Variants in TPCN2 observed in about 807,000 individuals in gnomAD.
The protein encoded by TPCN2 is two pore segment channel 2, also known as two pore channel protein 2.
In TPCN2, 92 loss-of-function variants were observed where a neutral mutation model predicts 111.4. The ratio of observed to expected loss-of-function variants is 0.83; its 90% CI spans 0.70 to 0.98. TPCN2 has a LOEUF of 0.98. TPCN2 is among the 50% of genes least tolerant of loss of function. The probability of loss-of-function intolerance (pLI) is 0.00; values close to 1 mark genes in which losing one functional copy is unlikely to be tolerated. For missense variants in TPCN2, 995 were observed against 980.1 expected (o/e 1.02, Z -0.20); for synonymous variants, 405 against 414.5 (o/e 0.98, Z 0.28).
intron 8 of TPCN2, among the ~76,000 whole-genome samples, chr11:69,069,900 G>A (rs11228478): frequency 0.035 from 5,288 of 150,036 alleles, 459 homozygotes; most frequent in African/African-American, 0.13. Context: ...TTGATAGGTA[G>A]GGAGTTCCCC....
chr11:69,065,862 G>A (rs1423209744), intron 7 of TPCN2, among the ~76,000 whole-genome samples: 1 of 152,150 alleles, frequency 6.6e-6, no homozygotes, highest in African/African-American at 2.4e-5. Context: ...GTCCATCGTC[G>A]CTGGTTGTGG....
chr11:69,050,680 G>A lies in TPCN2; in HGVS notation c.109+1574G>A, dbSNP rs114151077. On this transcript the variant is annotated intron_variant, in intron 1 of 24. Coordinates refer to ENST00000294309, the MANE Select transcript of TPCN2 (RefSeq NM_139075.4). ...GGCGTGAGCCACTGTGCCTGGCCATGCTTCACCTTTCCGAATCTCAGTAAA... is the reference window on the plus strand; with the variant it reads ...GGCGTGAGCCACTGTGCCTGGCCATACTTCACCTTTCCGAATCTCAGTAAA... Among the ~76,000 whole-genome samples the A allele has an allele frequency of 9.7e-3, 1,471 of 152,332 alleles. 22 individuals are homozygous for A. Among genetic ancestry groups the A allele is most frequent in the African/African-American group, 0.034 (1,415 of 41,576 alleles).
Position 69,089,801 on chromosome 11 carries a change from C to T in TPCN2, c.*1848C>T, listed in dbSNP as rs1856386047. 6.6e-6 allele frequency: 1 copy of T among 152,328 alleles called. No individual in the cohort carries two copies. The highest frequency in any genetic ancestry group is 1.5e-5 in the Non-Finnish European group (1 of 68,096). 9.4% of individuals were successfully genotyped at this position (152,328 alleles called of 1,614,324 possible). A position where few individuals can be genotyped will look rare whatever the true frequency, so the allele number is the denominator to read the frequency against. ...CTTTTTCCTTCCTTCCTTGCTCCCA[C>T]CTGTGTGGATCCTGGTCCCTTCTTG... On this transcript the variant is annotated 3_prime_UTR_variant, in exon 25 of 25. Transcript: ENST00000294309.
intron 16 of TPCN2, chr11:69,079,317 C>G (rs535264073): frequency 2.3e-6 from 1 of 433,222 alleles, no homozygotes; most frequent in East Asian, 3.9e-5. Flanking sequence ...GACTCCAGCC[C>G]GGGGAACAGC....
chr11:69,082,263 A>G (rs577208309), intron 18 of TPCN2, among the ~76,000 whole-genome samples: 1 of 152,344 alleles, frequency 6.6e-6, no homozygotes, highest in Non-Finnish European at 1.5e-5. Context: ...TCATACATAT[A>G]TACAATACAG....
chr11:69,085,974 T>TG (rs772888609), intron 22 of TPCN2, 44 bp downstream of exon 22: 4 of 1,575,640 alleles, frequency 2.5e-6, no homozygotes, highest in African/African-American at 1.3e-5. Flanking sequence ...CCGTGCAGCC[T>TG]GGGGGTTCCC....
Position 69,055,196 on chromosome 11 carries a change from C to T in TPCN2, c.273C>T (p.Phe91=). Residue 91 remains phenylalanine (F), a synonymous_variant, in exon 4 of 25, where the codon TTC becomes TTT. Coordinates refer to ENST00000294309, the MANE Select transcript of TPCN2 (RefSeq NM_139075.4). ...VCQRTLSFTI[F]LILFLAFIET... is the part of the protein sequence containing the mutation. ...CCAGGACTTTGAGCTTCACCATCTT[C>T]TTGATCCTGTTTTTGGCTTTTATCG... The T allele has an allele frequency of 6.2e-7, 1 of 1,614,202 alleles. No individual in the cohort carries two copies. The highest frequency in any genetic ancestry group is 8.5e-7 in the Non-Finnish European group (1 of 1,180,016).
At chr11:69,055,146 G>A in intron 3 of TPCN2, 29 bp from the exon 4 acceptor site, 4 of 1,608,880 alleles carry the variant, frequency 2.5e-6, no homozygotes, top group Non-Finnish European at 2.5e-6. Context: ...GCTGGCTCCT[G>A]TGTTTTCATG....
At chr11:69,050,362 G>A (rs560036573) in intron 1 of TPCN2, among the ~76,000 whole-genome samples, 19 of 152,288 alleles carry the variant, frequency 1.2e-4, no homozygotes, top group Non-Finnish European at 2.6e-4. Context: ...GTGTGACCTT[G>A]GCAGGTTGCT....
At chr11:69,081,793 CA>C in intron 18 of TPCN2, among the ~76,000 whole-genome samples, 1 of 152,274 alleles carries the variant, frequency 6.6e-6, no homozygotes, top group Admixed American at 6.5e-5. Flanking sequence ...CCCTGGACAC[CA>C]GTGCTCCCCC....
intron 17 of TPCN2, among the ~76,000 whole-genome samples, chr11:69,080,496 C>G (rs1401173596): frequency 2.0e-5 from 3 of 152,202 alleles, no homozygotes; most frequent in Admixed American, 1.3e-4. Context: ...CCAGGCTGCT[C>G]TGCCCTGAGA....
chr11:69,074,451 T>TA (rs138160478), intron 13 of TPCN2, among the ~76,000 whole-genome samples: 3,997 of 152,322 alleles, frequency 0.026, 388 homozygotes, highest in East Asian at 0.22. Flanking sequence ...GACTTGAAGA[T>TA]ACGAAATAAA....
At position 69,087,215 on chromosome 11, in the gene TPCN2, G is replaced by C; in HGVS notation, c.2180+9G>C. 1 of 1,613,012 alleles carries C rather than the reference G, an allele frequency of 6.2e-7. No homozygotes were observed. The highest frequency in any genetic ancestry group is 1.7e-4 in the Middle Eastern group (1 of 6,056). ...GTGGAGCTCCTGTTCAGGTGTGTGG[G>C]TGGGGAAGGCGCTTCTGTCTGGCCC... On this transcript the variant is annotated intron_variant, in intron 24 of 24. Coordinates refer to ENST00000294309, the MANE Select transcript of TPCN2 (RefSeq NM_139075.4).
intron 7 of TPCN2, among the ~76,000 whole-genome samples, chr11:69,064,820 G>T (rs1047535656): frequency 6.6e-6 from 1 of 152,208 alleles, no homozygotes; most frequent in African/African-American, 2.4e-5. Context: ...TGTGGAGTCT[G>T]CATGTCTGTG....
rs753159023 is a variant in TPCN2, at chr11:69,072,042, C to G, written c.1061+19C>G. 1 of 1,594,652 alleles carries G rather than the reference C, an allele frequency of 6.3e-7. No individual in the cohort carries two copies. Among genetic ancestry groups the G allele is most frequent in the African/African-American group, 1.3e-5 (1 of 74,502 alleles). On this transcript the variant is annotated intron_variant, in intron 11 of 24. Coordinates refer to ENST00000294309, the MANE Select transcript of TPCN2 (RefSeq NM_139075.4). ...CTCAGGCGTGAGTGCTGGGCATGGA[C>G]CCTCTTCTCCCTGAGGGTGGGTGCT...
rs1409958279 is a variant in TPCN2, at chr11:69,078,562, G to A, written c.1311G>A (p.Leu437=). The part of the protein sequence containing the change: ...FLFGHYYFDY[L]GNLIALANLV... ...TCGGCCACTACTACTTTGACTACCT[G>A]GGGAACCTCATCGCCCTGGCAAACC... Residue 437 remains leucine, a synonymous_variant, in exon 14 of 25, where the codon CTG becomes CTA. Transcript: ENST00000294309. The A allele has an allele frequency of 6.2e-7, 1 of 1,614,062 alleles. No individual in the cohort carries two copies. Among genetic ancestry groups the A allele is most frequent in the South Asian group, 1.1e-5 (1 of 91,086 alleles).
intron 1 of TPCN2, 76 bp downstream of exon 1, chr11:69,049,182 C>T (rs1861098565): frequency 2.0e-6 from 2 of 978,336 alleles, no homozygotes; most frequent in South Asian, 5.2e-5. Flanking sequence ...TGTCCCAGCA[C>T]CCCGCTTTCT....
rs559237106 is a variant in TPCN2, at chr11:69,086,917, C to T, written c.2086-195C>T. 1.2e-4 allele frequency among the ~76,000 whole-genome samples: 15 copies of T among 125,222 alleles called. No individual in the cohort carries two copies. In the East Asian group the frequency reaches 2.3e-3, roughly 19 times the overall value. 82.2% of individuals were successfully genotyped at this position (125,222 alleles called of 152,430 possible). ...TGTGGGGATTCTCAGGCCCCCAGGT[C>T]GGGCTGAAGGAGGGACTTGGACATT... On this transcript the variant is annotated intron_variant, in intron 23 of 24. Coordinates refer to ENST00000294309, the MANE Select transcript of TPCN2 (RefSeq NM_139075.4).
At chr11:69,057,807 C>G in intron 5 of TPCN2, 113 bp downstream of exon 5, 2 of 880,306 alleles carry the variant, frequency 2.3e-6, no homozygotes, top group Admixed American at 1.9e-5. Context: ...CCTGCCCACC[C>G]GCCCAGCACT....
Sources: allele counts gnomAD v4.1 joint callset (sites outside exome capture counted in the v4.1 genomes callset), GRCh38; gene constraint gnomAD v4.1.1; transcripts MANE v1.5; gene names NCBI Gene and HGNC (gene_info 2026-07-23, HGNC 2026-07-21).